KCNJ6: variants seen among roughly 807,000 people sequenced by gnomAD.
The protein encoded by KCNJ6 is G protein-activated inward rectifier potassium channel 2.
A neutral mutation model predicts 34.2 loss-of-function variants in KCNJ6; 9 were observed. That is an observed-to-expected ratio of 0.26 (90% CI 0.16 to 0.46). The LOEUF (loss-of-function observed/expected upper bound fraction) is 0.46. Among genes scored for constraint, KCNJ6 ranks in the 20% least tolerant of loss-of-function variants. KCNJ6 has a pLI of 1.00. For missense variants in KCNJ6, 236 were observed against 531.3 expected (o/e 0.44, Z 5.46); for synonymous variants, 196 against 207.1 (o/e 0.95, Z 0.46).
intron 3 of KCNJ6, among the ~76,000 whole-genome samples, chr21:37,707,468 G>C (rs1471123436): frequency 6.6e-6 from 1 of 152,096 alleles, no homozygotes; most frequent in Admixed American, 6.5e-5. Flanking sequence ...AAGAAATGGA[G>C]ACAGACAGAG....
chr21:37,682,425 A>G (rs1279426938), intron 3 of KCNJ6, among the ~76,000 whole-genome samples: 1 of 152,184 alleles, frequency 6.6e-6, no homozygotes, highest in African/African-American at 2.4e-5. Flanking sequence ...ACAAGGGAGC[A>G]TTATTTTATA....
intron 1 of KCNJ6, among the ~76,000 whole-genome samples, chr21:37,872,714 G>C (rs1453303057): frequency 1.3e-5 from 2 of 152,120 alleles, no homozygotes; most frequent in Admixed American, 6.5e-5. Context: ...CTCTCTATAG[G>C]CCTGATATGG....
chr21:37,697,276 G>T (rs1266649861), intron 3 of KCNJ6, among the ~76,000 whole-genome samples: 1 of 152,224 alleles, frequency 6.6e-6, no homozygotes, highest in Non-Finnish European at 1.5e-5. Flanking sequence ...TTTGAGGAGG[G>T]AGCACAGGAT....
chr21:37,816,542 G>C (rs935658026), intron 2 of KCNJ6, among the ~76,000 whole-genome samples: 1 of 152,208 alleles, frequency 6.6e-6, no homozygotes, highest in African/African-American at 2.4e-5. Context: ...GTAAGTCTGT[G>C]ACCTGTCTGA....
chr21:37,729,667 C>T (rs1205543042), intron 2 of KCNJ6, among the ~76,000 whole-genome samples: 1 of 152,222 alleles, frequency 6.6e-6, no homozygotes, highest in Non-Finnish European at 1.5e-5. Context: ...GGACTGTCTA[C>T]AGTTAGTTAG....
At position 37,840,674 on chromosome 21, in the gene KCNJ6, C is replaced by G. The variant is rs1296803090; in HGVS notation, c.9G>C (p.Lys3Asn). ...GCTACTCACTCATGGATTCTGTCAG[C>G]TTGGCCATTGTTGCAGTTTCTTCTT... MA[K>N]LTESMTNVLE... The change falls in exon 2 of 4, where the codon AAG becomes AAC. Residue 3 changes from lysine (K) to asparagine (N), a missense_variant. Around this residue, in one of 5 missense-constraint regions of KCNJ6, gnomAD observed 64 missense variants for 68.9 expected, o/e 0.93. Coordinates refer to ENST00000609713, the MANE Select transcript of KCNJ6 (RefSeq NM_002240.5). The G allele has an allele frequency of 1.2e-6, 2 of 1,603,618 alleles. No individual in the cohort carries two copies. Among genetic ancestry groups the G allele is most frequent in the South Asian group, 1.1e-5 (1 of 89,954 alleles).
At chr21:37,686,757 G>A (rs2054617599) in intron 3 of KCNJ6, among the ~76,000 whole-genome samples, 1 of 152,082 alleles carries the variant, frequency 6.6e-6, no homozygotes, top group African/African-American at 2.4e-5. Flanking sequence ...GTGAGCCACC[G>A]CGCCCAGCCT....
At chr21:37,777,133 C>T (rs1023324768) in intron 2 of KCNJ6, among the ~76,000 whole-genome samples, 6 of 152,202 alleles carry the variant, frequency 3.9e-5, no homozygotes, top group East Asian at 1.9e-4. Flanking sequence ...AGTTTATTTG[C>T]GTAGAGGTGT....
chr21:37,877,550 T>C lies in KCNJ6; in HGVS notation c.-27-36841A>G, dbSNP rs73423472. Reference sequence around the variant, plus strand: ...GAAAAGAGCTGGAATATTCTGTTAATGCATCAAACCTAATGTGGAGTAAAT... The same window carrying C: ...GAAAAGAGCTGGAATATTCTGTTAACGCATCAAACCTAATGTGGAGTAAAT... On this transcript the variant is annotated intron_variant, in intron 1 of 3. Coordinates refer to ENST00000609713, the MANE Select transcript of KCNJ6 (RefSeq NM_002240.5). Among the ~76,000 whole-genome samples, 278 of 152,358 alleles carry C rather than the reference T, an allele frequency of 1.8e-3. 1 individual carries two copies. The highest frequency in any genetic ancestry group is 6.3e-3 in the African/African-American group (261 of 41,594).
In KCNJ6 at chr21:37,624,992, A is replaced by T; in HGVS notation, c.*167T>A. ...TACCTTGTCAATCTGAATAACTGAG[A>T]GAGGGCAGGTAGATATTTTACACCT... On this transcript the variant is annotated 3_prime_UTR_variant, in exon 4 of 4. Coordinates refer to ENST00000609713, the MANE Select transcript of KCNJ6 (RefSeq NM_002240.5). The T allele has an allele frequency of 1.6e-6, 1 of 613,478 alleles. No individual in the cohort carries two copies. Among genetic ancestry groups the T allele is most frequent in the East Asian group, 2.7e-5 (1 of 36,462 alleles). The allele number at this position is 613,478 out of a possible 1,614,324, so 38.0% of individuals were successfully genotyped here.
At chr21:37,702,234 C>CAAA (rs374421896) in intron 3 of KCNJ6, among the ~76,000 whole-genome samples, 1,257 of 97,174 alleles carry the variant, frequency 0.013, 74 homozygotes, top group East Asian at 0.016. Flanking sequence ...TTTTGTCTCA[C>CAAA]AAAAAAAAAA....
chr21:37,758,644 G>A (rs1264271755), intron 2 of KCNJ6, among the ~76,000 whole-genome samples: 2 of 149,938 alleles, frequency 1.3e-5, no homozygotes, highest in Admixed American at 6.6e-5. Flanking sequence ...AAGCAATAGA[G>A]ATTTTTTTTT....
At chr21:37,633,201 T>A (rs1044466864) in intron 3 of KCNJ6, among the ~76,000 whole-genome samples, 3 of 152,188 alleles carry the variant, frequency 2.0e-5, no homozygotes, top group African/African-American at 7.2e-5. Context: ...ATACTGATCA[T>A]ATAATTTATC....
intron 1 of KCNJ6, among the ~76,000 whole-genome samples, chr21:37,854,531 C>G (rs745747219): frequency 4.6e-5 from 7 of 152,038 alleles, no homozygotes; most frequent in Non-Finnish European, 7.4e-5. Context: ...TTAGTGTATA[C>G]AAAAATACAT....
rs376780170 is a variant in KCNJ6, at chr21:37,671,029, C to T, written c.946+43182G>A. ...GTGATATTGTGAAATATATATTTGGCCTTTATCCCATTTCCTGATACATAG... is the reference window on the plus strand; with the variant it reads ...GTGATATTGTGAAATATATATTTGGTCTTTATCCCATTTCCTGATACATAG... On this transcript the variant is annotated intron_variant, in intron 3 of 3. Transcript: ENST00000609713. Among the ~76,000 whole-genome samples, 28 of 152,184 alleles carry T rather than the reference C, an allele frequency of 1.8e-4. No individual in the cohort carries two copies. The South Asian group carries it at 5.2e-3, about 28-fold the overall frequency.
intron 2 of KCNJ6, among the ~76,000 whole-genome samples, chr21:37,798,494 C>T (rs1189864629): frequency 7.0e-6 from 1 of 141,976 alleles, no homozygotes; most frequent in Non-Finnish European, 1.6e-5. Flanking sequence ...CAGTGTTGCT[C>T]ACAATAACCA....
intron 3 of KCNJ6, among the ~76,000 whole-genome samples, chr21:37,637,409 C>T (rs2054362784): frequency 6.6e-6 from 1 of 152,130 alleles, no homozygotes; most frequent in Non-Finnish European, 1.5e-5. Context: ...TTAAAAATGT[C>T]TAAAAAAGAT....
intron 2 of KCNJ6, among the ~76,000 whole-genome samples, chr21:37,731,248 T>A (rs1486648795): frequency 6.6e-6 from 1 of 151,568 alleles, no homozygotes; most frequent in Non-Finnish European, 1.5e-5. Flanking sequence ...AATAATGGAG[T>A]GAAAGATTTA....
At chr21:37,817,802 G>A (rs973501745) in intron 2 of KCNJ6, among the ~76,000 whole-genome samples, 9 of 152,156 alleles carry the variant, frequency 5.9e-5, no homozygotes, top group Non-Finnish European at 1.0e-4. Flanking sequence ...GGCTCACTTG[G>A]GAGGGTTCTG....
Sources: gnomAD v4.1 joint callset for allele counts (sites outside exome capture counted in the v4.1 genomes callset) on GRCh38, gnomAD v4.1.1 for gene constraint, gnomAD v4.1.1 regional missense constraint, MANE v1.5 for transcripts, NCBI Gene and HGNC (gene_info 2026-07-23, HGNC 2026-07-21) for gene names.